HAVCR2: variants seen among roughly 807,000 people sequenced by gnomAD.
The protein encoded by HAVCR2 is hepatitis A virus cellular receptor 2, also known as T cell immunoglobulin mucin 3.
In HAVCR2, 13 loss-of-function variants were observed where a neutral mutation model predicts 24.7. That is an observed-to-expected ratio of 0.53 (90% CI 0.34 to 0.84). HAVCR2 has a LOEUF of 0.84. Ranked by LOEUF, HAVCR2 falls within the 40% of genes least tolerant of loss-of-function variation. The pLI is 0.01. For missense variants in HAVCR2, 343 were observed against 371.2 expected (o/e 0.92, Z 0.62); for synonymous variants, 154 against 143.4 (o/e 1.07, Z -0.53).
At chr5:157,095,254 GT>G in intron 5 of HAVCR2, 51 bp downstream of exon 5, 1 of 1,593,888 alleles carries the variant, frequency 6.3e-7, no homozygotes, top group South Asian at 1.1e-5. Context: ...GTTTTTACTG[GT>G]TCTCACTGAA....
intron 3 of HAVCR2, among the ~76,000 whole-genome samples, chr5:157,101,434 G>T (rs905751719): frequency 7.9e-5 from 12 of 152,188 alleles, no homozygotes; most frequent in African/African-American, 2.9e-4. Flanking sequence ...CCTTAACAGT[G>T]TATAAATTTA....
In HAVCR2 at chr5:157,095,380, A is replaced by G. The variant is rs747959481; in HGVS notation, c.602T>C (p.Ile201Thr). The change falls in exon 5 of 7, where the codon ATA (isoleucine) becomes ACA (threonine). Residue 201 changes from isoleucine (I) to threonine (T), a missense_variant. Ile to Thr is a moderately conservative substitution (Grantham distance 89). Coordinates refer to ENST00000307851, the MANE Select transcript of HAVCR2 (RefSeq NM_032782.5). ...DLRDSGATIR[I>T]GIYIGAGICA... ...GATCCCTGCTCCGATGTAGATGCCT[A>G]TTCTGATGGTTGCTCCAGAGTCCCG... 3 of 1,614,160 alleles carry G rather than the reference A, an allele frequency of 1.9e-6. No individual in the cohort carries two copies. The highest frequency in any genetic ancestry group is 2.2e-5 in the South Asian group (2 of 91,086).
chr5:157,099,011 A>G lies in HAVCR2; in HGVS notation c.479-110T>C, dbSNP rs1581759907. On this transcript the variant is annotated intron_variant, in intron 3 of 6. Coordinates refer to ENST00000307851, the MANE Select transcript of HAVCR2 (RefSeq NM_032782.5). ...AAATCTTAATGATGCCTATAATCCT[A>G]TTTGAAATGAATTCTACTCCGTACT... 1.9e-5 allele frequency: 18 copies of G among 930,746 alleles called. No homozygotes were observed. The East Asian group carries it at 4.6e-4, about 24-fold the overall frequency. The allele number at this position is 930,746 out of a possible 1,614,324, so 57.7% of individuals were successfully genotyped here.
Position 157,095,394 on chromosome 5 carries a change from T to C in HAVCR2, c.588A>G (p.Gly196=), listed in dbSNP as rs773810276. 1.9e-6 allele frequency: 3 copies of C among 1,613,984 alleles called. No individual in the cohort carries two copies. Among genetic ancestry groups the C allele is most frequent in the South Asian group, 1.1e-5 (1 of 91,094 alleles). ...TGTAGATGCCTATTCTGATGGTTGC[T>C]CCAGAGTCCCGTAAGTCATTGGCCA... ...SRLANDLRDS[G]ATIRIGIYIG... Residue 196 remains glycine (G), a synonymous_variant, in exon 5 of 7, where the codon GGA becomes GGG. Coordinates refer to ENST00000307851, the MANE Select transcript of HAVCR2 (RefSeq NM_032782.5).
Position 157,086,819 on chromosome 5 carries a change from C to G in HAVCR2, c.*283G>C. ...ATTTCCTGGAGCTCCAGAGACCCCA[C>G]GTCAAGAATTCCTAGTGTATATAAA... is the stretch of plus-strand genomic sequence containing the variant. On this transcript the variant is annotated 3_prime_UTR_variant, in exon 7 of 7. Coordinates refer to ENST00000307851, the MANE Select transcript of HAVCR2 (RefSeq NM_032782.5). 1 of 322,414 alleles carries G rather than the reference C, an allele frequency of 3.1e-6. No individual in the cohort carries two copies. The highest frequency in any genetic ancestry group is 5.6e-6 in the Non-Finnish European group (1 of 178,552). The allele number at this position is 322,414 out of a possible 1,614,324, so 20.0% of individuals were successfully genotyped here. A position where few individuals can be genotyped will look rare whatever the true frequency, so the allele number is the denominator to read the frequency against.
chr5:157,105,975 G>A (rs1757241996), intron 2 of HAVCR2: 1 of 152,434 alleles, frequency 6.6e-6, no homozygotes, highest in Non-Finnish European at 1.5e-5. Context: ...GCCTCTCAAA[G>A]TATTGGGATT....
chr5:157,088,882 G>A (rs1021504120), intron 6 of HAVCR2, 59 bp downstream of exon 6: 3 of 1,402,074 alleles, frequency 2.1e-6, no homozygotes, highest in African/African-American at 2.9e-5. Context: ...GATCAGACAT[G>A]TTAGAGTAGG....
chr5:157,095,461 T>C lies in HAVCR2; in HGVS notation c.523-2A>G, dbSNP rs752509667. 5 of 1,613,850 alleles carry C rather than the reference T, an allele frequency of 3.1e-6. No individual in the cohort carries two copies. The highest frequency in any genetic ancestry group is 1.3e-5 in the African/African-American group (1 of 75,028). On this transcript the variant is annotated splice_acceptor_variant, in intron 4 of 6. Coordinates refer to ENST00000307851, the MANE Select transcript of HAVCR2 (RefSeq NM_032782.5). LOFTEE classifies it high-confidence loss of function. ...CTCATTGGCCAATGTGGATATTTGC[T>C]ATGGAAACACAAACAGGATTTAAGC...
In HAVCR2 at chr5:157,104,681, TG is replaced by T; in HGVS notation, c.462del (p.Arg155GlyfsTer17). On this transcript the variant is annotated frameshift_variant, in exon 3 of 7. Transcript: ENST00000307851. LOFTEE classifies it high-confidence loss of function. Reference sequence around the variant, plus strand: ...GCATAGTTACCTGGGCCATGTCCCCTGGTGGTAAGCATCCTTGGAAAGGCTG... The same window carrying T: ...GCATAGTTACCTGGGCCATGTCCCCTGTGGTAAGCATCCTTGGAAAGGCTG... ...FTAAFPRMLT[T>X]RGHGPAETQT... 1 of 1,602,968 alleles carries T rather than the reference TG, an allele frequency of 6.2e-7. No homozygotes were observed. Among genetic ancestry groups the T allele is most frequent in the Non-Finnish European group, 8.5e-7 (1 of 1,173,752 alleles).
In HAVCR2 at chr5:157,102,806, G is replaced by A. The variant is rs1303920623; in HGVS notation, c.478+1860C>T. On this transcript the variant is annotated intron_variant, in intron 3 of 6. Transcript: ENST00000307851. ...AAAAATTAGCGGGGCGTGGTGGCGCGCGTCTGTAATCCCAGCTACTTGGGA... is the reference window on the plus strand; with the variant it reads ...AAAAATTAGCGGGGCGTGGTGGCGCACGTCTGTAATCCCAGCTACTTGGGA... 3.9e-5 allele frequency among the ~76,000 whole-genome samples: 6 copies of A among 151,924 alleles called. No individual in the cohort carries two copies. In the East Asian group the frequency reaches 9.8e-4, roughly 25 times the overall value.
intron 2 of HAVCR2, chr5:157,105,023 C>T (rs1757225904): frequency 9.9e-6 from 2 of 201,894 alleles, no homozygotes; most frequent in South Asian, 1.4e-4. Flanking sequence ...TTGAAGACTC[C>T]TTATCTGAAA....
At chr5:157,106,385 C>G in intron 2 of HAVCR2, 1 of 495,116 alleles carries the variant, frequency 2.0e-6, no homozygotes, top group South Asian at 2.6e-5. Flanking sequence ...CGGCCTCAGC[C>G]TCCCAAAGTG....
In HAVCR2 at chr5:157,095,387, T is replaced by C. The variant is rs748833026; in HGVS notation, c.595A>G (p.Ile199Val). 2 of 1,614,202 alleles carry C rather than the reference T, an allele frequency of 1.2e-6. No individual in the cohort carries two copies. Among genetic ancestry groups the C allele is most frequent in the South Asian group, 2.2e-5 (2 of 91,090 alleles). The change falls in exon 5 of 7, where the codon ATC (isoleucine) becomes GTC (valine). Residue 199 changes from isoleucine to valine, a missense_variant. By Grantham distance (29) the Ile-to-Val change is conservative. Coordinates refer to ENST00000307851, the MANE Select transcript of HAVCR2 (RefSeq NM_032782.5). Reference sequence around the variant, plus strand: ...GCTCCGATGTAGATGCCTATTCTGATGGTTGCTCCAGAGTCCCGTAAGTCA... The same window carrying C: ...GCTCCGATGTAGATGCCTATTCTGACGGTTGCTCCAGAGTCCCGTAAGTCA... Reference protein sequence around the residue: ...ANDLRDSGATIRIGIYIGAGI... With the variant: ...ANDLRDSGATVRIGIYIGAGI...
rs755158624 is a variant in HAVCR2 at position 157,106,901 on chromosome 5, G to A, written c.120C>T (p.Tyr40=). The A allele has an allele frequency of 5.0e-6, 8 of 1,614,200 alleles. No homozygotes were observed. In the South Asian group the frequency reaches 7.7e-5, roughly 16 times the overall value. Residue 40 remains tyrosine (Y), a synonymous_variant, in exon 2 of 7, where the codon TAC becomes TAT. Coordinates refer to ENST00000307851, the MANE Select transcript of HAVCR2 (RefSeq NM_032782.5). Reference sequence around the variant, plus strand: ...CGAGGTTCCCTGGGGCGGCTGGGGTGTAGAAGCAGGGCAGATAGGCATTCT... The same window carrying A: ...CGAGGTTCCCTGGGGCGGCTGGGGTATAGAAGCAGGGCAGATAGGCATTCT... ...VGQNAYLPCF[Y]TPAAPGNLVP... is the part of the protein sequence containing the mutation.
chr5:157,108,761 CATGATT>C (rs1757287187), intron 1 of HAVCR2, among the ~76,000 whole-genome samples, 159 bp downstream of exon 1: 1 of 152,174 alleles, frequency 6.6e-6, no homozygotes, highest in African/African-American at 2.4e-5. Context: ...CTGTTTGTAT[CATGATT>C]ATATCACATT....
chr5:157,087,946 A>C (rs2113683086), intron 6 of HAVCR2, among the ~76,000 whole-genome samples: 1 of 152,160 alleles, frequency 6.6e-6, no homozygotes, highest in South Asian at 2.1e-4. Flanking sequence ...ATAGCATTCA[A>C]TGGACAGAGG....
At chr5:157,101,941 ATTTTTTT>A (rs869260432) in intron 3 of HAVCR2, among the ~76,000 whole-genome samples, 29 of 83,042 alleles carry the variant, frequency 3.5e-4, no homozygotes, top group East Asian at 2.0e-3. Flanking sequence ...ATGCCCGGCT[ATTTTTTT>A]TTTTTTTTTT....
At chr5:157,107,021 A>G in intron 1 of HAVCR2, 59 bp from the exon 2 acceptor site, 2 of 1,372,608 alleles carry the variant, frequency 1.5e-6, no homozygotes, top group Non-Finnish European at 2.0e-6. Context: ...ACTCCATTTC[A>G]GGAAAACTGC....
chr5:157,091,038 CAGA>C (rs1444103185), intron 5 of HAVCR2, among the ~76,000 whole-genome samples: 16 of 152,210 alleles, frequency 1.1e-4, no homozygotes, highest in Admixed American at 7.9e-4. Flanking sequence ...AAGGATCAGG[CAGA>C]AGAAGATCTG....
Sources: gnomAD v4.1 joint callset for allele counts (sites outside exome capture counted in the v4.1 genomes callset) on GRCh38, gnomAD v4.1.1 for gene constraint, MANE v1.5 for transcripts, NCBI Gene and HGNC (gene_info 2026-07-23, HGNC 2026-07-21) for gene names.